NTM: variants seen among roughly 807,000 people sequenced by gnomAD.
NTM encodes neurotrimin.
Under a neutral mutation model 42.1 loss-of-function variants are expected in NTM, and 13 were observed. That is an observed-to-expected ratio of 0.31 (90% CI 0.20 to 0.49). The LOEUF (loss-of-function observed/expected upper bound fraction) is 0.49, where lower values mean the gene tolerates loss of function less well. Among genes scored for constraint, NTM ranks in the 20% least tolerant of loss-of-function variants. NTM has a pLI of 0.99. For synonymous variants in NTM, 187 were observed against 179.2 expected (o/e 1.04, Z -0.35); for missense variants, 373 against 452.8 (o/e 0.82, Z 1.60).
At chr11:132,292,700 G>C (rs2094486447) in intron 4 of NTM, among the ~76,000 whole-genome samples, 1 of 150,036 alleles carries the variant, frequency 6.7e-6, no homozygotes, top group South Asian at 2.1e-4. Context: ...AACAAGGGAG[G>C]GAGGCGAAGG....
chr11:132,009,387 T>C (rs76218241), intron 2 of NTM, among the ~76,000 whole-genome samples: 7 of 152,140 alleles, frequency 4.6e-5, no homozygotes, highest in Non-Finnish European at 8.8e-5. Flanking sequence ...CAGATGGGTA[T>C]GTATGTGCCG....
intron 1 of NTM, among the ~76,000 whole-genome samples, chr11:131,591,321 C>G (rs1442583815): frequency 1.3e-5 from 2 of 152,202 alleles, no homozygotes; most frequent in Non-Finnish European, 2.9e-5. Flanking sequence ...AATGACTTCC[C>G]GCAGAGACAA....
chr11:131,700,123 C>A (rs1461283899), intron 1 of NTM, among the ~76,000 whole-genome samples: 3 of 152,066 alleles, frequency 2.0e-5, no homozygotes, highest in Non-Finnish European at 4.4e-5. Context: ...ACAAGCAGAG[C>A]ATTTTGGGTT....
chr11:132,103,801 C>T (rs1209437405), intron 2 of NTM, among the ~76,000 whole-genome samples: 1 of 152,188 alleles, frequency 6.6e-6, no homozygotes, highest in African/African-American at 2.4e-5. Flanking sequence ...TAAAGGTCTT[C>T]CCAGGCTGGA....
intron 1 of NTM, among the ~76,000 whole-genome samples, chr11:131,410,064 GGAGCA>G (rs1235099602): frequency 1.3e-5 from 2 of 152,142 alleles, no homozygotes; most frequent in African/African-American, 4.8e-5. Flanking sequence ...GGCTTTCCCT[GGAGCA>G]GGGAGCAACA....
chr11:132,124,300 C>T (rs2065312440), intron 2 of NTM, among the ~76,000 whole-genome samples: 1 of 152,172 alleles, frequency 6.6e-6, no homozygotes, highest in Non-Finnish European at 1.5e-5. Flanking sequence ...CCTGAGATCT[C>T]AGCAGCCGTG....
chr11:132,166,819 T>A (rs75646935), intron 3 of NTM, among the ~76,000 whole-genome samples: 4,311 of 152,312 alleles, frequency 0.028, 90 homozygotes, highest in Non-Finnish European at 0.045. Context: ...CCATCATTCC[T>A]AGCATTATGG....
intron 3 of NTM, among the ~76,000 whole-genome samples, chr11:132,153,939 A>G (rs886185708): frequency 6.6e-6 from 1 of 152,208 alleles, no homozygotes; most frequent in Admixed American, 6.5e-5. Flanking sequence ...CAAAACTACA[A>G]AGTTATATTT....
intron 1 of NTM, among the ~76,000 whole-genome samples, chr11:131,504,425 A>C (rs1234816149): frequency 3.3e-5 from 5 of 152,160 alleles, no homozygotes; most frequent in Non-Finnish European, 7.3e-5. Flanking sequence ...AGCCCTGGTA[A>C]ACCCCTTGGG....
intron 1 of NTM, among the ~76,000 whole-genome samples, chr11:131,525,845 ATG>A (rs113346408): frequency 0.21 from 32,382 of 151,338 alleles, 3,684 homozygotes; most frequent in African/African-American, 0.3. Flanking sequence ...CTTAACAGTA[ATG>A]TGTGTGTGTG....
intron 1 of NTM, among the ~76,000 whole-genome samples, chr11:131,437,543 C>T (rs1179903322): frequency 6.6e-6 from 1 of 151,690 alleles, no homozygotes; most frequent in African/African-American, 2.4e-5. Context: ...ATGTAATGGC[C>T]TTCTTTGTCT....
chr11:132,163,450 G>A (rs2074737577), intron 3 of NTM, among the ~76,000 whole-genome samples: 2 of 152,186 alleles, frequency 1.3e-5, no homozygotes, highest in Admixed American at 1.3e-4. Context: ...CTGATTATGT[G>A]GCAGCCAAGA....
At chr11:131,831,404 C>T (rs1009729823) in intron 1 of NTM, among the ~76,000 whole-genome samples, 3 of 152,092 alleles carry the variant, frequency 2.0e-5, no homozygotes. Flanking sequence ...CAAACCCAGC[C>T]ATGAAATAGA....
chr11:131,545,939 T>C (rs2053880891), intron 1 of NTM, among the ~76,000 whole-genome samples: 1 of 152,210 alleles, frequency 6.6e-6, no homozygotes, highest in South Asian at 2.1e-4. Context: ...GAATAACTGC[T>C]GACTTTGTTC....
At chr11:131,919,690 T>TGAC (rs1389516860) in intron 2 of NTM, among the ~76,000 whole-genome samples, 2 of 152,136 alleles carry the variant, frequency 1.3e-5, no homozygotes, top group African/African-American at 2.4e-5. Context: ...TAAAATGAGA[T>TGAC]GACACACACA....
chr11:132,130,699 A>G (rs894180605), intron 2 of NTM, among the ~76,000 whole-genome samples: 2 of 152,172 alleles, frequency 1.3e-5, no homozygotes, highest in South Asian at 2.1e-4. Context: ...TGGAACAGCT[A>G]GGGGTTTCAA....
chr11:131,912,808 C>A (rs192778468), intron 2 of NTM, among the ~76,000 whole-genome samples: 46 of 152,318 alleles, frequency 3.0e-4, no homozygotes, highest in African/African-American at 1.0e-3. Context: ...CTGATGACTT[C>A]TTCTAGGATT....
intron 1 of NTM, among the ~76,000 whole-genome samples, chr11:131,688,751 T>A (rs368618189): frequency 1.3e-5 from 2 of 152,200 alleles, no homozygotes; most frequent in Non-Finnish European, 2.9e-5. Context: ...CAGCTGCTCC[T>A]AGAGATCAGA....
At chr11:131,619,456 CTT>C (rs1442444488) in intron 1 of NTM, among the ~76,000 whole-genome samples, 1 of 152,142 alleles carries the variant, frequency 6.6e-6, no homozygotes, top group Non-Finnish European at 1.5e-5. Context: ...ATGAGCAACT[CTT>C]TTGCAGTAGC....
Sources: gnomAD v4.1 joint callset for allele counts (sites outside exome capture counted in the v4.1 genomes callset) on GRCh38, gnomAD v4.1.1 for gene constraint, MANE v1.5 for transcripts, NCBI Gene and HGNC (gene_info 2026-07-23, HGNC 2026-07-21) for gene names.